Variants in ASCC3 observed in about 807,000 individuals in gnomAD.
The protein encoded by ASCC3 is ASC-1 complex subunit P200.
Under a neutral mutation model 256.3 loss-of-function variants are expected in ASCC3, and 158 were observed. That is an observed-to-expected ratio of 0.62 (90% confidence interval 0.54 to 0.70). The LOEUF is 0.70. Ranked by LOEUF, ASCC3 falls within the 30% of genes least tolerant of loss-of-function variation. ASCC3 has a pLI of 0.00. For missense variants in ASCC3, 2,259 were observed against 2,626.0 expected (o/e 0.86, Z 3.05); for synonymous variants, 948 against 883.4 (o/e 1.07, Z -1.30).
intron 13 of ASCC3, among the ~76,000 whole-genome samples, chr6:100,688,818 A>G (rs1036465937): frequency 3.3e-5 from 5 of 152,176 alleles, no homozygotes; most frequent in Admixed American, 3.3e-4. Context: ...TAGGAAGATG[A>G]TGAACACAGA....
chr6:100,528,039 T>C (rs1294230022), intron 37 of ASCC3, among the ~76,000 whole-genome samples: 1 of 151,840 alleles, frequency 6.6e-6, no homozygotes, highest in African/African-American at 2.4e-5. Flanking sequence ...TCTCACTTTG[T>C]TGTTGCCCAG....
chr6:100,762,014 C>T (rs1217769525), intron 10 of ASCC3, among the ~76,000 whole-genome samples: 1 of 152,088 alleles, frequency 6.6e-6, no homozygotes, highest in Admixed American at 6.5e-5. Context: ...TCGAACACTG[C>T]CTGTGATCTG....
At chr6:100,680,771 T>C (rs746809591) in intron 13 of ASCC3, among the ~76,000 whole-genome samples, 1 of 152,002 alleles carries the variant, frequency 6.6e-6, no homozygotes, top group African/African-American at 2.4e-5. Context: ...GCAACTTGGA[T>C]GTCCTAATCC....
chr6:100,758,886 C>T (rs1013521205), intron 10 of ASCC3, among the ~76,000 whole-genome samples: 2 of 152,174 alleles, frequency 1.3e-5, no homozygotes, highest in Non-Finnish European at 2.9e-5. Context: ...TATTTCTCCA[C>T]AGCCTTGCTA....
At chr6:100,858,056 A>G (rs1284862516) in intron 3 of ASCC3, 1 of 207,242 alleles carries the variant, frequency 4.8e-6, no homozygotes, top group Non-Finnish European at 8.4e-6. Flanking sequence ...TTAGTTTTCC[A>G]TGAAGTCTTG....
chr6:100,736,652 G>C (rs536445498), intron 10 of ASCC3, among the ~76,000 whole-genome samples: 1 of 152,244 alleles, frequency 6.6e-6, no homozygotes, highest in Admixed American at 6.5e-5. Flanking sequence ...ACTACATCTT[G>C]CACAAAGGCA....
chr6:100,771,132 A>G (rs1216492369), intron 8 of ASCC3, among the ~76,000 whole-genome samples: 1 of 152,182 alleles, frequency 6.6e-6, no homozygotes. Context: ...ATCCACACAT[A>G]TTTGGACAAC....
intron 34 of ASCC3, among the ~76,000 whole-genome samples, chr6:100,593,475 C>T (rs1323818780): frequency 1.3e-5 from 2 of 152,032 alleles, no homozygotes; most frequent in African/African-American, 4.8e-5. Context: ...GTTACTTTTT[C>T]AAATCTTAAT....
At chr6:100,879,613 A>G (rs1335306897) in intron 1 of ASCC3, among the ~76,000 whole-genome samples, 2 of 152,196 alleles carry the variant, frequency 1.3e-5, no homozygotes, top group African/African-American at 4.8e-5. Flanking sequence ...CAATCAGACC[A>G]AAGTGAAGAC....
At chr6:100,514,491 G>A (rs1773923414) in intron 39 of ASCC3, among the ~76,000 whole-genome samples, 2 of 151,982 alleles carry the variant, frequency 1.3e-5, no homozygotes, top group Non-Finnish European at 2.9e-5. Flanking sequence ...GTAACTCATT[G>A]GGATTTTACT....
intron 4 of ASCC3, among the ~76,000 whole-genome samples, chr6:100,811,282 T>C (rs945018804): frequency 2.0e-5 from 3 of 152,178 alleles, no homozygotes; most frequent in African/African-American, 4.8e-5. Context: ...TGCTAAATTA[T>C]AGCTCCGATA....
intron 30 of ASCC3, among the ~76,000 whole-genome samples, chr6:100,615,888 G>A (rs534683399): frequency 9.2e-5 from 14 of 152,274 alleles, no homozygotes; most frequent in Non-Finnish European, 1.8e-4. Context: ...TTATTTACTG[G>A]TCAGTCATTT....
At chr6:100,770,708 A>T (rs1383891424) in intron 8 of ASCC3, among the ~76,000 whole-genome samples, 1 of 152,066 alleles carries the variant, frequency 6.6e-6, no homozygotes, top group Non-Finnish European at 1.5e-5. Flanking sequence ...AATATCTGAA[A>T]GCAATTTTTT....
chr6:100,639,351 A>G (rs1403360840), intron 24 of ASCC3, among the ~76,000 whole-genome samples: 2 of 152,166 alleles, frequency 1.3e-5, no homozygotes, highest in Non-Finnish European at 2.9e-5. Context: ...AGTAAACAAA[A>G]CCTGCCCTGA....
intron 11 of ASCC3, among the ~76,000 whole-genome samples, chr6:100,718,695 G>GTCAC (rs2115026524): frequency 6.6e-6 from 1 of 152,180 alleles, no homozygotes; most frequent in East Asian, 1.9e-4. Flanking sequence ...ATATGATCAT[G>GTCAC]TCACTGAGCT....
At chr6:100,793,011 C>T (rs1197790299) in intron 8 of ASCC3, among the ~76,000 whole-genome samples, 1 of 151,936 alleles carries the variant, frequency 6.6e-6, no homozygotes, top group East Asian at 1.9e-4. Context: ...TATTCAGCTA[C>T]TTTTTCATTC....
At chr6:100,604,632 G>C (rs1772796113) in intron 33 of ASCC3, among the ~76,000 whole-genome samples, 1 of 151,058 alleles carries the variant, frequency 6.6e-6, no homozygotes, top group South Asian at 2.1e-4. Context: ...TTTTTGTAGA[G>C]ACAGGATCTA....
chr6:100,803,408 A>G (rs944766648), intron 5 of ASCC3, among the ~76,000 whole-genome samples: 3 of 152,072 alleles, frequency 2.0e-5, no homozygotes, highest in Non-Finnish European at 4.4e-5. Flanking sequence ...CCTCCTGCAC[A>G]TATTTCTCTC....
chr6:100,519,787 G>T (rs982245321), intron 37 of ASCC3, among the ~76,000 whole-genome samples: 2 of 152,068 alleles, frequency 1.3e-5, no homozygotes, highest in Non-Finnish European at 2.9e-5. Flanking sequence ...AAGTTTTCAT[G>T]ATGAAGTTGA....
Sources: gnomAD v4.1 joint callset for allele counts (sites outside exome capture counted in the v4.1 genomes callset) on GRCh38, gnomAD v4.1.1 for gene constraint, MANE v1.5 for transcripts, NCBI Gene and HGNC (gene_info 2026-07-23, HGNC 2026-07-21) for gene names.